ALPK2: variants seen among roughly 807,000 people sequenced by gnomAD.
ALPK2 encodes alpha-protein kinase 2.
Under a neutral mutation model 163.1 loss-of-function variants are expected in ALPK2, and 127 were observed. That is an observed-to-expected ratio of 0.78 (90% CI 0.67 to 0.90). The LOEUF is 0.90. Ranked by LOEUF, ALPK2 falls within the 40% of genes least tolerant of loss-of-function variation. ALPK2 has a pLI of 0.00. For synonymous variants in ALPK2, 953 were observed against 959.1 expected, an observed-to-expected ratio of 0.99 and a Z score of 0.12; for missense variants, 2,360 against 2,589.6, an observed-to-expected ratio of 0.91 and a Z score of 1.92.
chr18:58,535,798 A>T lies in ALPK2; in HGVS notation c.4389T>A (p.Ser1463Arg), dbSNP rs1177616095. The change falls in exon 5 of 13, where the codon AGT (serine) becomes AGA (arginine). Residue 1463 changes from serine (S) to arginine (R), a missense_variant. Ser to Arg is a moderately radical substitution (Grantham distance 110). Transcript: ENST00000361673. ...QVPCLQGTILSENRISRSQEG... is the reference protein window; with the variant it reads ...QVPCLQGTILRENRISRSQEG... ...CTTGGCTTCTGCTGATTCTATTTTC[A>T]CTCAGAATGGTTCCCTGGAGACATG... The T allele has an allele frequency of 1.2e-6, 2 of 1,613,816 alleles. No individual in the cohort carries two copies. Among genetic ancestry groups the T allele is most frequent in the Admixed American group, 3.3e-5 (2 of 59,996 alleles).
chr18:58,511,062 C>A (rs1445941381), intron 10 of ALPK2, among the ~76,000 whole-genome samples: 5 of 152,150 alleles, frequency 3.3e-5, no homozygotes, highest in Non-Finnish European at 7.3e-5. Context: ...TACGTCCCAT[C>A]AATACCTAAT....
rs187499469 is a variant in ALPK2 at position 58,504,031 on chromosome 18, G to C, written c.6147C>G (p.Asn2049Lys). Reference protein sequence around the residue: ...KYSIRDGKEINFLRRESEAGQ... With the variant: ...KYSIRDGKEIKFLRRESEAGQ... The stretch of plus-strand genomic sequence containing the variant: ...CAGCTTCTGATTCTCTTCTCAAGAA[G>C]TTTATTTCTTTCCCATCCCTGATGG... Residue 2049 changes from asparagine to lysine, a missense_variant, in exon 11 of 13, where the codon AAC (asparagine) becomes AAG (lysine). Physicochemically the swap from Asn to Lys is moderately conservative, Grantham distance 94. Coordinates refer to ENST00000361673, the MANE Select transcript of ALPK2 (RefSeq NM_052947.4). The C allele has an allele frequency of 3.7e-6, 6 of 1,614,200 alleles. No individual in the cohort carries two copies. The East Asian group carries it at 1.3e-4, about 36-fold the overall frequency.
intron 4 of ALPK2, among the ~76,000 whole-genome samples, chr18:58,557,767 A>G (rs2051802468): frequency 6.6e-6 from 1 of 151,800 alleles, no homozygotes. Context: ...AGGAAAGAAA[A>G]CCAACATTGA....
chr18:58,606,120 C>T (rs1428465413), intron 3 of ALPK2, among the ~76,000 whole-genome samples: 2 of 152,084 alleles, frequency 1.3e-5, no homozygotes, highest in Non-Finnish European at 2.9e-5. Context: ...ACTCTGTCAC[C>T]CAAGCTGGAG....
intron 4 of ALPK2, chr18:58,544,813 T>C (rs1416952017): frequency 1.3e-5 from 2 of 152,366 alleles, no homozygotes; most frequent in South Asian, 2.1e-4. Flanking sequence ...GTTGGCTGAC[T>C]AATTCAACAG....
intron 5 of ALPK2, among the ~76,000 whole-genome samples, chr18:58,534,170 G>A (rs1054071155): frequency 1.3e-5 from 2 of 149,436 alleles, no homozygotes; most frequent in African/African-American, 4.9e-5. Flanking sequence ...TTTTTTAACA[G>A]CATCATAGGT....
intron 8 of ALPK2, among the ~76,000 whole-genome samples, chr18:58,517,685 A>G (rs2051529600): frequency 6.6e-6 from 1 of 151,974 alleles, no homozygotes; most frequent in Non-Finnish European, 1.5e-5. Flanking sequence ...TTTATGTACC[A>G]TATGTATATT....
rs1306460672 is a variant in ALPK2 at position 58,516,091 on chromosome 18, C to A, written c.5940+817G>T. On this transcript the variant is annotated intron_variant, in intron 9 of 12. Transcript: ENST00000361673. ...AAAATTAGTTGGGCGTGATGGCATG[C>A]GCCTGTAGTCCTAGCTACTTGGGAG... Among the ~76,000 whole-genome samples, 4 of 152,082 alleles carry A rather than the reference C, an allele frequency of 2.6e-5. No homozygotes were observed. The East Asian group carries it at 7.7e-4, about 29-fold the overall frequency.
chr18:58,616,911 G>A (rs2052172692), intron 1 of ALPK2, among the ~76,000 whole-genome samples: 1 of 152,102 alleles, frequency 6.6e-6, no homozygotes, highest in South Asian at 2.1e-4. Flanking sequence ...GGGGCTTGGG[G>A]GGTGGGTGAG....
rs2051937999 is a variant in ALPK2, at chr18:58,578,871, C to T, written c.1905G>A (p.Met635Ile). ...TTGTTTCAAATAGAGTATTAACTTGCATGCCTTCTCCCTTGCAATTTGTGT... is the reference window on the plus strand; with the variant it reads ...TTGTTTCAAATAGAGTATTAACTTGTATGCCTTCTCCCTTGCAATTTGTGT... ...EGNTNCKGEG[M>I]QVNTLFETSQ... The change falls in exon 4 of 13, where the codon ATG becomes ATA. Residue 635 changes from methionine (M) to isoleucine (I), a missense_variant. Met to Ile is a conservative substitution (Grantham distance 10). Transcript: ENST00000361673. The T allele has an allele frequency of 1.9e-6, 3 of 1,614,134 alleles. No individual in the cohort carries two copies. The highest frequency in any genetic ancestry group is 1.7e-4 in the Middle Eastern group (1 of 6,060).
At chr18:58,524,279 AG>A (rs1457883815) in intron 6 of ALPK2, among the ~76,000 whole-genome samples, 1 of 152,232 alleles carries the variant, frequency 6.6e-6, no homozygotes, top group Non-Finnish European at 1.5e-5. Flanking sequence ...TCCAATAAGC[AG>A]TAGGTTTAAC....
intron 4 of ALPK2, among the ~76,000 whole-genome samples, chr18:58,540,825 A>T (rs1277710757): frequency 6.6e-6 from 1 of 152,172 alleles, no homozygotes; most frequent in Non-Finnish European, 1.5e-5. Flanking sequence ...GCACTGGGCA[A>T]TTTTTTCCAA....
At chr18:58,505,443 G>A (rs541841979) in intron 10 of ALPK2, among the ~76,000 whole-genome samples, 6 of 152,054 alleles carry the variant, frequency 3.9e-5, no homozygotes, top group East Asian at 1.9e-4. Context: ...CACACACTGC[G>A]CCCTCTTCCT....
At chr18:58,572,918 G>C (rs1280578644) in intron 4 of ALPK2, among the ~76,000 whole-genome samples, 1 of 152,104 alleles carries the variant, frequency 6.6e-6, no homozygotes, top group African/African-American at 2.4e-5. Flanking sequence ...TCAATATCCT[G>C]GTTATGACAT....
chr18:58,592,463 G>A (rs1455479500), intron 3 of ALPK2, among the ~76,000 whole-genome samples: 1 of 152,184 alleles, frequency 6.6e-6, no homozygotes, highest in Non-Finnish European at 1.5e-5. Context: ...TGGCTGGGTG[G>A]AAAGAGGGGA....
chr18:58,482,116 G>A (rs1400675518), intron 12 of ALPK2, 77 bp from the exon 13 acceptor site: 1 of 1,077,880 alleles, frequency 9.3e-7, no homozygotes, highest in Non-Finnish European at 1.4e-6. Flanking sequence ...AAACTTGAAA[G>A]GGAAAACTAA....
At chr18:58,554,490 C>T (rs995638128) in intron 4 of ALPK2, among the ~76,000 whole-genome samples, 2 of 152,232 alleles carry the variant, frequency 1.3e-5, no homozygotes, top group African/African-American at 4.8e-5. Flanking sequence ...ACAGTAGCAT[C>T]GCGGAGTGGG....
intron 3 of ALPK2, among the ~76,000 whole-genome samples, chr18:58,605,043 G>C (rs1359709361): frequency 6.6e-6 from 1 of 152,100 alleles, no homozygotes; most frequent in African/African-American, 2.4e-5. Context: ...ATAATATTTT[G>C]GTTTACTGTG....
At chr18:58,610,929 T>C (rs1173349102) in intron 2 of ALPK2, among the ~76,000 whole-genome samples, 1 of 152,098 alleles carries the variant, frequency 6.6e-6, no homozygotes, top group Non-Finnish European at 1.5e-5. Flanking sequence ...ACCCCATCTC[T>C]ACTAAAATAC....
Sources: gnomAD v4.1 joint callset for allele counts (sites outside exome capture counted in the v4.1 genomes callset) on GRCh38, gnomAD v4.1.1 for gene constraint, MANE v1.5 for transcripts, NCBI Gene and HGNC (gene_info 2026-07-23, HGNC 2026-07-21) for gene names.